The following MGAM variants were observed in gnomAD, a reference collection of about 807,000 sequenced individuals.
MGAM encodes the protein maltase-glucoamylase, also known as alpha-1,4-glucosidase.
Under a neutral mutation model 358.8 loss-of-function variants are expected in MGAM, and 253 were observed. The ratio of observed to expected loss-of-function variants is 0.71; its 90% CI spans 0.64 to 0.78. The LOEUF is 0.78. Ranked by LOEUF, MGAM falls within the 30% of genes least tolerant of loss-of-function variation. MGAM has a pLI of 0.00. For missense variants in MGAM, 3,080 were observed against 3,432.6 expected (o/e 0.90, Z 2.57); for synonymous variants, 1,105 against 1,227.1 (o/e 0.90, Z 2.08).
At chr7:142,086,091 G>A in intron 55 of MGAM, 127 bp from the exon 56 acceptor site, 4 of 1,449,744 alleles carry the variant, frequency 2.8e-6, no homozygotes, top group Non-Finnish European at 3.8e-6. Context: ...GTATTTCCCT[G>A]GACTCACAGA....
rs142006223 is a variant in MGAM, at chr7:142,044,046, A to G, written c.2498+3200A>G. ...TATATACACATACGACGTATAATAT[A>G]TACATTATATACACATACGACGTAT... is the stretch of plus-strand genomic sequence containing the variant. On this transcript the variant is annotated intron_variant, in intron 21 of 70. Transcript: ENST00000475668. Among the ~76,000 whole-genome samples, 28 of 67,500 alleles carry G rather than the reference A, an allele frequency of 4.1e-4. 4 individuals carry two copies. The highest frequency in any genetic ancestry group is 1.0e-3 in the South Asian group (2 of 1,932). 44.3% of individuals were successfully genotyped at this position (67,500 alleles called of 152,430 possible).
chr7:142,041,626 C>A (rs1263996537), intron 21 of MGAM, among the ~76,000 whole-genome samples: 1 of 151,448 alleles, frequency 6.6e-6, no homozygotes, highest in Non-Finnish European at 1.5e-5. Context: ...ACTTTAACAA[C>A]TCTATCTCCT....
intron 17 of MGAM, 43 bp downstream of exon 17, chr7:142,036,328 A>T (rs782762371): frequency 2.8e-6 from 4 of 1,433,882 alleles, no homozygotes. Context: ...TTTGGCATAC[A>T]TTAGGACTAG....
rs539235464 is a variant in MGAM, at chr7:142,017,222, C to T, written c.328-1977C>T. On this transcript the variant is annotated intron_variant, in intron 3 of 70. Transcript: ENST00000475668. ...CTTCAGTACTGTTTTGGTAGTTACA[C>T]ATTCTATATTATTTTGGCAGTTTCT... Among the ~76,000 whole-genome samples, 11 of 152,160 alleles carry T rather than the reference C, an allele frequency of 7.2e-5. No individual in the cohort carries two copies. The South Asian group carries it at 1.7e-3, about 23-fold the overall frequency.
intron 8 of MGAM, among the ~76,000 whole-genome samples, chr7:142,025,792 C>G (rs1806910571): frequency 6.6e-6 from 1 of 151,982 alleles, no homozygotes; most frequent in African/African-American, 2.4e-5. Context: ...GGAAATTAAA[C>G]AAAATAAAGA....
At chr7:142,040,294 T>A in intron 20 of MGAM, 123 bp downstream of exon 20, 1 of 781,240 alleles carries the variant, frequency 1.3e-6, no homozygotes, top group Non-Finnish European at 2.1e-6. Flanking sequence ...GTGTTTTCTG[T>A]AATTTCATAG....
intron 64 of MGAM, 112 bp downstream of exon 64, chr7:142,095,825 T>G: frequency 1.8e-5 from 26 of 1,475,976 alleles, no homozygotes; most frequent in Non-Finnish European, 2.4e-5. Flanking sequence ...CATGAGCTCT[T>G]CAGGTGCAGA....
chr7:142,067,293 G>A (rs377309902), intron 41 of MGAM, 48 bp from the exon 42 acceptor site: 5 of 1,223,006 alleles, frequency 4.1e-6, no homozygotes, highest in Admixed American at 1.8e-5. Flanking sequence ...AGAGTGTCGG[G>A]CTGGGGCTCT....
In MGAM at chr7:142,094,660, T is replaced by C. The variant is rs766077854; in HGVS notation, c.7341+6T>C. Reference sequence around the variant, plus strand: ...GCCTCTTCGGCATATCCTATGTGAGTGTCCTTGGGATCCTCCTAAGCACCA... The same window carrying C: ...GCCTCTTCGGCATATCCTATGTGAGCGTCCTTGGGATCCTCCTAAGCACCA... On this transcript the variant is annotated splice_donor_region_variant and intron_variant, in intron 62 of 70. Transcript: ENST00000475668. 3.7e-6 allele frequency: 6 copies of C among 1,611,898 alleles called. No homozygotes were observed. The highest frequency in any genetic ancestry group is 1.8e-4 in the Middle Eastern group (1 of 5,544).
At chr7:142,049,907 C>G (rs1810773761) in intron 22 of MGAM, among the ~76,000 whole-genome samples, 1 of 152,114 alleles carries the variant, frequency 6.6e-6, no homozygotes, top group Admixed American at 6.6e-5. Flanking sequence ...AAAAAATTAA[C>G]AGAACTTCCA....
intron 34 of MGAM, among the ~76,000 whole-genome samples, chr7:142,061,448 A>C (rs1203960693): frequency 6.6e-6 from 1 of 152,084 alleles, no homozygotes; most frequent in African/African-American, 2.4e-5. Flanking sequence ...ATTCTCTGTG[A>C]TGTGACCCAC....
At chr7:142,046,650 T>C (rs1426758804) in intron 21 of MGAM, among the ~76,000 whole-genome samples, 1 of 152,104 alleles carries the variant, frequency 6.6e-6, no homozygotes, top group Non-Finnish European at 1.5e-5. Context: ...TATCCTGTTA[T>C]TGTTTTCATC....
chr7:142,055,855 A>C, intron 28 of MGAM, 129 bp downstream of exon 28: 1 of 1,480,386 alleles, frequency 6.8e-7, no homozygotes. Flanking sequence ...GCCAATTCTC[A>C]GGCTCCTTTG....
chr7:142,012,177 C>T (rs367572361), intron 3 of MGAM, among the ~76,000 whole-genome samples: 49 of 152,088 alleles, frequency 3.2e-4, no homozygotes, highest in African/African-American at 1.1e-3. Flanking sequence ...TTTCTGGTTC[C>T]ACCTTTTTTG....
chr7:142,025,686 A>T (rs1806902516), intron 8 of MGAM, among the ~76,000 whole-genome samples: 1 of 152,236 alleles, frequency 6.6e-6, no homozygotes, highest in African/African-American at 2.4e-5. Context: ...AGAAATGGCG[A>T]GTAAGCAATG....
Position 142,030,427 on chromosome 7 carries a change from T to C in MGAM, c.1287T>C (p.Asp429=), listed in dbSNP as rs1554462897. 1 of 1,613,602 alleles carries C rather than the reference T, an allele frequency of 6.2e-7. No homozygotes were observed. Among genetic ancestry groups the C allele is most frequent in the Non-Finnish European group, 8.5e-7 (1 of 1,179,706 alleles). The change falls in exon 11 of 71, where the codon GAT becomes GAC. Residue 429 remains aspartate, a synonymous_variant. Transcript: ENST00000475668. ...GGGACTTCACTTATGATTCAGTGGA[T>C]TTTAAAGGCTTCCCTGAATTTGTCA... ...ERRDFTYDSV[D]FKGFPEFVNE... is the part of the protein sequence containing the mutation.
At position 142,080,373 on chromosome 7, in the gene MGAM, T is replaced by C. The variant is rs1814148900; in HGVS notation, c.5848-418T>C. Among the ~76,000 whole-genome samples the C allele has an allele frequency of 2.0e-5, 3 of 146,566 alleles. No individual in the cohort carries two copies. The South Asian group carries it at 6.5e-4, about 32-fold the overall frequency. On this transcript the variant is annotated intron_variant, in intron 49 of 70. Transcript: ENST00000475668. ...GTAGGTACTCATGAATCAGTTTAGA[T>C]ACCACCTTCAGCAAGGACATTCTGA...
At chr7:142,006,034 C>T (rs1416966868) in intron 2 of MGAM, among the ~76,000 whole-genome samples, 1 of 151,742 alleles carries the variant, frequency 6.6e-6, no homozygotes, top group Non-Finnish European at 1.5e-5. Flanking sequence ...AAAAAGAAAG[C>T]TAGAAAGATA....
chr7:142,052,573 C>A, intron 25 of MGAM, 127 bp downstream of exon 25: 1 of 1,379,054 alleles, frequency 7.3e-7, no homozygotes. Flanking sequence ...GGGACAGGAT[C>A]TAGATGTGAC....
Sources: gnomAD v4.1 joint callset for allele counts (sites outside exome capture counted in the v4.1 genomes callset) on GRCh38, gnomAD v4.1.1 for gene constraint, MANE v1.5 for transcripts, NCBI Gene and HGNC (gene_info 2026-07-23, HGNC 2026-07-21) for gene names.